DIAPH3: variants seen among roughly 807,000 people sequenced by gnomAD.
DIAPH3 encodes the protein diaphanous related formin 3.
DIAPH3 carries 117 observed loss-of-function variants against 144.3 expected under a neutral mutation model. That is an observed-to-expected ratio of 0.81 (90% confidence interval 0.70 to 0.95). The LOEUF (loss-of-function observed/expected upper bound fraction) is 0.95, where lower values mean the gene tolerates loss of function less well. Among genes scored for constraint, DIAPH3 ranks in the 40% least tolerant of loss-of-function variants. The probability of loss-of-function intolerance (pLI) is 0.00; values close to 1 mark genes in which losing one functional copy is unlikely to be tolerated. For missense variants in DIAPH3, 1,421 were observed against 1,412.7 expected, an observed-to-expected ratio of 1.01 and a Z score of -0.09; for synonymous variants, 519 against 488.9, an observed-to-expected ratio of 1.06 and a Z score of -0.81.
At chr13:60,047,597 G>A (rs936517443) in intron 4 of DIAPH3, among the ~76,000 whole-genome samples, 1 of 152,116 alleles carries the variant, frequency 6.6e-6, no homozygotes, top group African/African-American at 2.4e-5. Context: ...AATGGTGCTA[G>A]AACAATTGGA....
intron 27 of DIAPH3, among the ~76,000 whole-genome samples, chr13:59,682,536 G>A (rs1321232750): frequency 6.6e-6 from 1 of 152,144 alleles, no homozygotes; most frequent in Non-Finnish European, 1.5e-5. Flanking sequence ...TCTCTCACTA[G>A]CAAGCTATGC....
At chr13:60,162,807 T>TCACACACACA (rs573161924) in intron 1 of DIAPH3, among the ~76,000 whole-genome samples, 21 of 128,058 alleles carry the variant, frequency 1.6e-4, no homozygotes, top group African/African-American at 5.1e-4. Context: ...TCTCTCTCTC[T>TCACACACACA]CTCACACACA....
intron 27 of DIAPH3, among the ~76,000 whole-genome samples, chr13:59,739,819 T>A (rs148663901): frequency 9.8e-4 from 149 of 152,124 alleles, no homozygotes; most frequent in African/African-American, 3.4e-3. Context: ...AAGTCAACCC[T>A]CTGAATCCAC....
chr13:59,885,576 A>C (rs2045389563), intron 20 of DIAPH3, among the ~76,000 whole-genome samples: 1 of 151,444 alleles, frequency 6.6e-6, no homozygotes, highest in South Asian at 2.1e-4. Context: ...TTTCCTGCTG[A>C]TGGACTTTCC....
At chr13:59,999,778 T>C (rs1750420095) in intron 9 of DIAPH3, among the ~76,000 whole-genome samples, 1 of 152,214 alleles carries the variant, frequency 6.6e-6, no homozygotes, top group East Asian at 1.9e-4. Context: ...AGATCTGCAT[T>C]GAGTTTGACA....
intron 23 of DIAPH3, chr13:59,837,811 A>G (rs1216552702): frequency 6.6e-6 from 1 of 151,666 alleles, no homozygotes; most frequent in East Asian, 1.9e-4. Context: ...GTAGGGTGAT[A>G]AAGGCATCCT....
chr13:59,788,930 T>C (rs2039181752), intron 25 of DIAPH3, among the ~76,000 whole-genome samples: 1 of 152,242 alleles, frequency 6.6e-6, no homozygotes, highest in Admixed American at 6.5e-5. Flanking sequence ...ATTGTTAAAA[T>C]GTCTTGCATG....
intron 11 of DIAPH3, 62 bp downstream of exon 11, chr13:59,992,006 G>A (rs1196890604): frequency 1.5e-6 from 2 of 1,298,806 alleles, no homozygotes; most frequent in East Asian, 2.3e-5. Flanking sequence ...TTGTGGCTGA[G>A]TATTTTGGAT....
At chr13:59,700,921 A>T (rs1159201839) in intron 27 of DIAPH3, among the ~76,000 whole-genome samples, 1 of 152,172 alleles carries the variant, frequency 6.6e-6, no homozygotes, top group Non-Finnish European at 1.5e-5. Flanking sequence ...TTATTTTAAG[A>T]TAATTAGTTC....
chr13:60,138,783 A>AGGGAAT (rs1566815387), intron 1 of DIAPH3, among the ~76,000 whole-genome samples: 1 of 127,136 alleles, frequency 7.9e-6, no homozygotes, highest in Non-Finnish European at 1.6e-5. Context: ...GAAGGAGAAG[A>AGGGAAT]AGGGGAAGAG....
intron 4 of DIAPH3, among the ~76,000 whole-genome samples, chr13:60,065,234 CCA>C (rs2056909032): frequency 7.1e-6 from 1 of 140,036 alleles, no homozygotes; most frequent in African/African-American, 2.7e-5. Flanking sequence ...TGCAGGGTTT[CCA>C]CAGTCCTTTA....
At chr13:60,008,821 T>C (rs1800977515) in intron 8 of DIAPH3, among the ~76,000 whole-genome samples, 172 bp from the exon 9 acceptor site, 1 of 152,324 alleles carries the variant, frequency 6.6e-6, no homozygotes, top group African/African-American at 2.4e-5. Context: ...TACATTTTAA[T>C]CATTTATCCC....
intron 12 of DIAPH3, 106 bp from the exon 13 acceptor site, chr13:59,983,993 T>G (rs1046828211): frequency 1.8e-5 from 13 of 738,146 alleles, no homozygotes; most frequent in Non-Finnish European, 2.6e-5. Flanking sequence ...AATTTATTAG[T>G]AATATAATTT....
At chr13:59,759,878 C>T (rs1171893804) in intron 27 of DIAPH3, among the ~76,000 whole-genome samples, 1 of 151,992 alleles carries the variant, frequency 6.6e-6, no homozygotes, top group African/African-American at 2.4e-5. Context: ...ACCTGGGAGG[C>T]GGAGGTTGCA....
At chr13:59,807,433 G>GT (rs1378987504) in intron 25 of DIAPH3, among the ~76,000 whole-genome samples, 1 of 151,992 alleles carries the variant, frequency 6.6e-6, no homozygotes, top group Non-Finnish European at 1.5e-5. Flanking sequence ...GTTTCAGCAT[G>GT]TTGTATCAAA....
chr13:59,889,344 C>G (rs2045647181), intron 20 of DIAPH3, among the ~76,000 whole-genome samples: 1 of 152,046 alleles, frequency 6.6e-6, no homozygotes, highest in Non-Finnish European at 1.5e-5. Flanking sequence ...CACTATAAAA[C>G]TGCCTTCGAA....
chr13:59,849,904 T>G (rs1276208851), intron 22 of DIAPH3, among the ~76,000 whole-genome samples: 1 of 146,504 alleles, frequency 6.8e-6, no homozygotes, highest in Non-Finnish European at 1.5e-5. Context: ...TAAATTACCT[T>G]GGGCAGTATG....
chr13:60,144,088 C>T (rs981738070), intron 1 of DIAPH3, among the ~76,000 whole-genome samples: 3 of 152,168 alleles, frequency 2.0e-5, no homozygotes, highest in East Asian at 1.9e-4. Flanking sequence ...GTTTGTATGT[C>T]GCAGGTACTA....
chr13:60,108,850 T>G (rs1266444334), intron 3 of DIAPH3, among the ~76,000 whole-genome samples: 1 of 151,882 alleles, frequency 6.6e-6, no homozygotes, highest in Non-Finnish European at 1.5e-5. Flanking sequence ...AGATAAGAAA[T>G]TAAGAGTGAA....
Sources: allele counts gnomAD v4.1 joint callset (sites outside exome capture counted in the v4.1 genomes callset), GRCh38; gene constraint gnomAD v4.1.1; transcripts MANE v1.5; gene names NCBI Gene and HGNC (gene_info 2026-07-23, HGNC 2026-07-21).